Variants in UNC13C observed in about 807,000 individuals in gnomAD.
UNC13C encodes the protein unc-13 homolog C, also known as protein unc-13 homolog C.
UNC13C carries 174 observed loss-of-function variants against 245.4 expected under a neutral mutation model. The observed-to-expected ratio is 0.71, with a 90% CI of 0.63 to 0.80. UNC13C has a LOEUF of 0.80. UNC13C is among the 30% of genes least tolerant of loss of function. The probability of loss-of-function intolerance (pLI) is 0.00; values close to 1 mark genes in which losing one functional copy is unlikely to be tolerated. For synonymous variants in UNC13C, 992 were observed against 895.1 expected, an observed-to-expected ratio of 1.11 and a Z score of -1.93; for missense variants, 2,829 against 2,602.9, an observed-to-expected ratio of 1.09 and a Z score of -1.89.
chr15:54,316,906 G>T (rs1435343037), intron 13 of UNC13C, among the ~76,000 whole-genome samples: 1 of 151,848 alleles, frequency 6.6e-6, no homozygotes, highest in Non-Finnish European at 1.5e-5. Flanking sequence ...ACAAAATTAG[G>T]ATTCGAGGTA....
At chr15:54,396,973 C>T (rs1421385383) in intron 18 of UNC13C, among the ~76,000 whole-genome samples, 2 of 150,566 alleles carry the variant, frequency 1.3e-5, no homozygotes, top group East Asian at 1.9e-4. Context: ...ACTTTCTTTT[C>T]CATTATCTTA....
chr15:53,984,017 C>G (rs1320635937), intron 1 of UNC13C, among the ~76,000 whole-genome samples: 1 of 152,046 alleles, frequency 6.6e-6, no homozygotes, highest in Non-Finnish European at 1.5e-5. Flanking sequence ...GCCTGGAATA[C>G]TGCTTGAATC....
At chr15:54,201,501 T>C (rs1015841251) in intron 4 of UNC13C, among the ~76,000 whole-genome samples, 1 of 151,328 alleles carries the variant, frequency 6.6e-6, no homozygotes, top group African/African-American at 2.4e-5. Flanking sequence ...AATGCAGGGA[T>C]GGTTTAACAT....
chr15:54,132,074 C>T (rs912275592), intron 2 of UNC13C, among the ~76,000 whole-genome samples: 12 of 110,664 alleles, frequency 1.1e-4, no homozygotes, highest in East Asian at 2.7e-4. Context: ...TTTTCTTTTT[C>T]TTTTTTTTTT....
chr15:53,863,893 A>G, the UNC13C span, among the ~76,000 whole-genome samples: 1 of 152,144 alleles, frequency 6.6e-6, no homozygotes, highest in Non-Finnish European at 1.5e-5. Flanking sequence ...ATGAACACTC[A>G]TTCAATAACT....
Position 54,626,967 on chromosome 15 carries a change from G to T in UNC13C, c.6499G>T (p.Ala2167Ser). The change falls in exon 33 of 33, where the codon GCA becomes TCA. Residue 2167 changes from alanine to serine, a missense_variant. Transcript: ENST00000260323. The stretch of plus-strand genomic sequence containing the variant: ...CATAGCAGAAAAGGGAAGCTATGGG[G>T]CATGGTATCCTCTTCTGAAAAATAT... The part of the protein sequence containing the change: ...QNIAEKGSYG[A>S]WYPLLKNISM... 6.2e-7 allele frequency: 1 copy of T among 1,613,466 alleles called. No homozygotes were observed. The highest frequency in any genetic ancestry group is 8.5e-7 in the Non-Finnish European group (1 of 1,179,610).
chr15:54,285,379 T>G (rs1331683554), intron 10 of UNC13C, among the ~76,000 whole-genome samples: 1 of 152,230 alleles, frequency 6.6e-6, no homozygotes, highest in African/African-American at 2.4e-5. Flanking sequence ...TATAATAGAA[T>G]TTGAAGATAA....
chr15:54,537,213 C>T (rs1344965295), intron 26 of UNC13C, among the ~76,000 whole-genome samples: 1 of 151,918 alleles, frequency 6.6e-6, no homozygotes, highest in African/African-American at 2.4e-5. Context: ...ATCGAGAACA[C>T]AGTTCCATTC....
At chr15:54,061,586 A>G (rs993797761) in intron 2 of UNC13C, among the ~76,000 whole-genome samples, 4 of 152,176 alleles carry the variant, frequency 2.6e-5, no homozygotes, top group Non-Finnish European at 4.4e-5. Flanking sequence ...CCTTGTCAGC[A>G]TAATGGTACA....
At chr15:54,070,616 G>A (rs1898277177) in intron 2 of UNC13C, among the ~76,000 whole-genome samples, 1 of 151,982 alleles carries the variant, frequency 6.6e-6, no homozygotes, top group East Asian at 1.9e-4. Context: ...TATAAATATG[G>A]TTCTGTTTTG....
At chr15:54,584,432 T>C (rs1378829018) in intron 30 of UNC13C, among the ~76,000 whole-genome samples, 3 of 152,230 alleles carry the variant, frequency 2.0e-5, no homozygotes, top group African/African-American at 7.2e-5. Context: ...GGTAACTTGA[T>C]AGAGCATCCC....
At chr15:54,127,724 T>TG (rs2031144542) in intron 2 of UNC13C, among the ~76,000 whole-genome samples, 3 of 139,642 alleles carry the variant, frequency 2.1e-5, no homozygotes, top group African/African-American at 8.0e-5. Flanking sequence ...TATATATATA[T>TG]AAAATATATA....
chr15:54,040,114 T>C (rs1318012420), intron 2 of UNC13C, among the ~76,000 whole-genome samples: 2 of 152,156 alleles, frequency 1.3e-5, no homozygotes, highest in Admixed American at 1.3e-4. Context: ...TCAATCACTC[T>C]GTTCTAGTCA....
intron 5 of UNC13C, among the ~76,000 whole-genome samples, chr15:54,236,221 C>T (rs1185801940): frequency 6.6e-6 from 1 of 152,058 alleles, no homozygotes; most frequent in African/African-American, 2.4e-5. Context: ...ATCTGAAGGC[C>T]ACCACTTTGG....
At chr15:54,475,090 T>G (rs969744961) in intron 19 of UNC13C, among the ~76,000 whole-genome samples, 1 of 151,894 alleles carries the variant, frequency 6.6e-6, no homozygotes, top group Non-Finnish European at 1.5e-5. Flanking sequence ...AGAGGACAAA[T>G]AGCCAAATTA....
chr15:54,030,855 A>C (rs955836466), intron 2 of UNC13C, among the ~76,000 whole-genome samples: 27 of 152,160 alleles, frequency 1.8e-4, no homozygotes, highest in Admixed American at 1.8e-3. Context: ...CCCTTTTATA[A>C]GAGCCCAAAA....
intron 17 of UNC13C, among the ~76,000 whole-genome samples, chr15:54,354,103 G>A (rs1237179171): frequency 6.6e-6 from 1 of 152,034 alleles, no homozygotes; most frequent in African/African-American, 2.4e-5. Context: ...TTCAAATAGA[G>A]GCTCCCATCA....
chr15:54,348,847 A>C (rs1358391185), intron 17 of UNC13C, among the ~76,000 whole-genome samples: 1 of 152,076 alleles, frequency 6.6e-6, no homozygotes. Context: ...TTAATTTGAA[A>C]CATGATTTAA....
rs544934388 is a variant in UNC13C at position 54,551,946 on chromosome 15, A to G, written c.5877+2255A>G. ...TCCCATTTAAAAAAAATGTTAAACT[A>G]TGGGTCTTTAAATTTTTAATATATT... On this transcript the variant is annotated intron_variant, in intron 28 of 32. Coordinates refer to ENST00000260323, the MANE Select transcript of UNC13C (RefSeq NM_001080534.3). 1.1e-4 allele frequency among the ~76,000 whole-genome samples: 17 copies of G among 151,746 alleles called. 1 individual carries two copies. In the South Asian group the frequency reaches 3.1e-3, roughly 28 times the overall value.
Sources: gnomAD v4.1 joint callset for allele counts (sites outside exome capture counted in the v4.1 genomes callset) on GRCh38, gnomAD v4.1.1 for gene constraint, MANE v1.5 for transcripts, NCBI Gene and HGNC (gene_info 2026-07-23, HGNC 2026-07-21) for gene names.